MYO5B: variants seen among roughly 807,000 people sequenced by gnomAD.
MYO5B encodes myosin VB.
Under a neutral mutation model 229.3 loss-of-function variants are expected in MYO5B, and 143 were observed. The ratio of observed to expected loss-of-function variants is 0.62; its 90% CI spans 0.54 to 0.72. MYO5B has a LOEUF of 0.72. MYO5B is among the 30% of genes least tolerant of loss of function. The pLI is 0.00. For synonymous variants in MYO5B, 918 were observed against 885.2 expected (o/e 1.04, Z -0.66); for missense variants, 2,321 against 2,331.0 (o/e 1.00, Z 0.09).
At chr18:50,024,710 T>C (rs1358750167) in intron 4 of MYO5B, among the ~76,000 whole-genome samples, 2 of 152,138 alleles carry the variant, frequency 1.3e-5, no homozygotes, top group African/African-American at 2.4e-5. Flanking sequence ...CTAAAGGACA[T>C]AGACATGGGG....
intron 7 of MYO5B, among the ~76,000 whole-genome samples, chr18:49,989,414 T>C (rs986091647): frequency 6.6e-5 from 10 of 152,102 alleles, no homozygotes; most frequent in African/African-American, 2.4e-4. Flanking sequence ...CACCCGGATC[T>C]TCATACCATC....
intron 1 of MYO5B, among the ~76,000 whole-genome samples, chr18:50,086,202 T>A (rs1030273319): frequency 1.3e-5 from 2 of 152,180 alleles, no homozygotes; most frequent in Non-Finnish European, 2.9e-5. Context: ...TCCAGATTTT[T>A]AAAAATAAAC....
chr18:50,044,609 G>T (rs1056181985), intron 2 of MYO5B, among the ~76,000 whole-genome samples: 2 of 152,140 alleles, frequency 1.3e-5, no homozygotes, highest in Non-Finnish European at 2.9e-5. Context: ...GAGGCCTAGA[G>T]TAGGAACTGG....
intron 26 of MYO5B, among the ~76,000 whole-genome samples, chr18:49,873,031 C>T (rs1461556004): frequency 6.6e-6 from 1 of 152,208 alleles, no homozygotes; most frequent in Non-Finnish European, 1.5e-5. Context: ...AAGCACCTTG[C>T]AGAGAGCTGC....
rs987911570 is a variant in MYO5B, at chr18:49,837,521, G to A, written c.5134C>T (p.Leu1712Phe). Residue 1712 changes from leucine to phenylalanine, a missense_variant, in exon 37 of 40, where the codon CTC becomes TTC. Physicochemically the swap from Leu to Phe is conservative, Grantham distance 22. Coordinates refer to ENST00000285039, the MANE Select transcript of MYO5B (RefSeq NM_001080467.3). Reference sequence around the variant, plus strand: ...TGGGGGGTGCTCCTCCCTTACCTGAGTTGCATGCCTGTGCTCCAAGAGCAG... The same window carrying A: ...TGGGGGGTGCTCCTCCCTTACCTGAATTGCATGCCTGTGCTCCAAGAGCAG... ...DVCSWSTGMQ[L>F]RYNISQLEEW... 1.2e-6 allele frequency: 2 copies of A among 1,613,846 alleles called. No homozygotes were observed. The highest frequency in any genetic ancestry group is 1.7e-6 in the Non-Finnish European group (2 of 1,179,842).
At chr18:49,863,123 T>C (rs2024350875) in intron 29 of MYO5B, 104 bp downstream of exon 29, 1 of 862,806 alleles carries the variant, frequency 1.2e-6, no homozygotes, top group South Asian at 1.3e-5. Flanking sequence ...AATTCTCTGA[T>C]GCTGAGCACA....
At chr18:50,080,720 A>G (rs1327693468) in intron 1 of MYO5B, among the ~76,000 whole-genome samples, 1 of 152,212 alleles carries the variant, frequency 6.6e-6, no homozygotes, top group East Asian at 1.9e-4. Context: ...AACACTTGCT[A>G]TGTACGAAGG....
intron 1 of MYO5B, among the ~76,000 whole-genome samples, chr18:50,099,453 G>T (rs937610227): frequency 6.6e-6 from 1 of 152,132 alleles, no homozygotes; most frequent in African/African-American, 2.4e-5. Context: ...GGAACAGGAG[G>T]AACAGAAGTC....
chr18:50,029,661 C>G (rs542101953), intron 4 of MYO5B, among the ~76,000 whole-genome samples: 2 of 152,240 alleles, frequency 1.3e-5, no homozygotes, highest in South Asian at 4.1e-4. Flanking sequence ...CAAAGTCTTA[C>G]GGCACTCAAG....
chr18:49,996,847 CA>C (rs1424353579), intron 5 of MYO5B, among the ~76,000 whole-genome samples: 6 of 152,066 alleles, frequency 3.9e-5, no homozygotes. Context: ...GGTTATGTTA[CA>C]AAATAAACAA....
intron 4 of MYO5B, among the ~76,000 whole-genome samples, chr18:50,033,809 C>T (rs1005003337): frequency 6.6e-6 from 1 of 151,952 alleles, no homozygotes; most frequent in Non-Finnish European, 1.5e-5. Context: ...CAAGCCCAGA[C>T]TTGGTGAATA....
At chr18:50,003,357 T>C (rs2026068230) in intron 4 of MYO5B, among the ~76,000 whole-genome samples, 1 of 152,226 alleles carries the variant, frequency 6.6e-6, no homozygotes, top group Admixed American at 6.5e-5. Context: ...CCAGTGTCTC[T>C]CTGAGATCCC....
At chr18:49,839,106 C>T in intron 36 of MYO5B, 38 bp downstream of exon 36, 1 of 1,611,562 alleles carries the variant, frequency 6.2e-7, no homozygotes, top group Non-Finnish European at 8.5e-7. Flanking sequence ...ATTTCAGACA[C>T]CATGATGAGT....
intron 1 of MYO5B, among the ~76,000 whole-genome samples, chr18:50,098,514 A>C (rs766256097): frequency 6.6e-6 from 1 of 152,234 alleles, no homozygotes; most frequent in Non-Finnish European, 1.5e-5. Flanking sequence ...CCTTAACTTC[A>C]AGTAGCTTAC....
intron 1 of MYO5B, among the ~76,000 whole-genome samples, chr18:50,172,816 G>A (rs1482386946): frequency 6.6e-6 from 1 of 152,208 alleles, no homozygotes; most frequent in African/African-American, 2.4e-5. Context: ...GATCTGAGTA[G>A]GTGGTGGAGA....
chr18:49,879,580 A>C (rs561474185), intron 23 of MYO5B, among the ~76,000 whole-genome samples: 1 of 152,344 alleles, frequency 6.6e-6, no homozygotes, highest in East Asian at 1.9e-4. Flanking sequence ...AAGTGTTTTA[A>C]AAGGACATTT....
chr18:49,823,576 A>AGTTTT lies in MYO5B; in HGVS notation c.*2890_*2894dup, dbSNP rs1044383334. The stretch of plus-strand genomic sequence containing the variant: ...TGATTTTTAACTGTTCCAAGCTCCT[A>AGTTTT]GTTTTGTTTTGTTTTTACAAAAGCC... On this transcript the variant is annotated 3_prime_UTR_variant, in exon 40 of 40. Transcript: ENST00000285039. 3 of 124,130 alleles carry AGTTTT rather than the reference A, an allele frequency of 2.4e-5. No individual in the cohort carries two copies. Among genetic ancestry groups the AGTTTT allele is most frequent in the Non-Finnish European group, 3.5e-5 (2 of 57,174 alleles). The allele number at this position is 124,130 out of a possible 1,614,324, so 7.7% of individuals were successfully genotyped here.
At chr18:50,029,209 T>C (rs1884117779) in intron 4 of MYO5B, among the ~76,000 whole-genome samples, 1 of 152,116 alleles carries the variant, frequency 6.6e-6, no homozygotes, top group South Asian at 2.1e-4. Flanking sequence ...TGCTGTATCA[T>C]CCCTAGGGGA....
chr18:50,155,236 A>T (rs1290129427), intron 1 of MYO5B, among the ~76,000 whole-genome samples: 1 of 152,226 alleles, frequency 6.6e-6, no homozygotes, highest in Non-Finnish European at 1.5e-5. Context: ...ATAGTGAACC[A>T]GGAGTCATCT....
Sources: gnomAD v4.1 joint callset for allele counts (sites outside exome capture counted in the v4.1 genomes callset) on GRCh38, gnomAD v4.1.1 for gene constraint, MANE v1.5 for transcripts, NCBI Gene and HGNC (gene_info 2026-07-23, HGNC 2026-07-21) for gene names.